The following CEP85L variants were observed in gnomAD, a reference collection of about 807,000 sequenced individuals.
CEP85L encodes the protein centrosomal protein 85L.
CEP85L carries 60 observed loss-of-function variants against 100.3 expected under a neutral mutation model. That is an observed-to-expected ratio of 0.60 (90% CI 0.49 to 0.74). CEP85L has a LOEUF of 0.74. CEP85L is among the 30% of genes least tolerant of loss of function. CEP85L has a pLI of 0.00. For synonymous variants in CEP85L, 319 were observed against 322.7 expected, an observed-to-expected ratio of 0.99 and a Z score of 0.12; for missense variants, 973 against 936.2, an observed-to-expected ratio of 1.04 and a Z score of -0.51.
chr6:118,503,109 G>T (rs1775411364), intron 5 of CEP85L, among the ~76,000 whole-genome samples: 1 of 152,080 alleles, frequency 6.6e-6, no homozygotes, highest in African/African-American at 2.4e-5. Context: ...AGGATACAAG[G>T]TTAACACACA....
chr6:118,508,469 T>C (rs1445803746), intron 5 of CEP85L, among the ~76,000 whole-genome samples: 2 of 152,094 alleles, frequency 1.3e-5, no homozygotes, highest in African/African-American at 2.4e-5. Flanking sequence ...GAAATTTAGG[T>C]ATAAATGGAA....
At position 118,464,252 on chromosome 6, in the gene CEP85L, C is replaced by G. The variant is rs893397257; in HGVS notation, c.*1153G>C. 15 of 152,180 alleles carry G rather than the reference C, an allele frequency of 9.9e-5. No homozygotes were observed. The highest frequency in any genetic ancestry group is 3.6e-4 in the African/African-American group (15 of 41,462). 9.4% of individuals were successfully genotyped at this position (152,180 alleles called of 1,614,324 possible). ...AGTTTAAATGACTGTACGTCTACTG[C>G]AAAATCAACTGCATTTCATAGTAAT... On this transcript the variant is annotated 3_prime_UTR_variant, in exon 13 of 13. Coordinates refer to ENST00000368491, the MANE Select transcript of CEP85L (RefSeq NM_001042475.3).
At chr6:118,594,575 T>C (rs1781362770) in intron 2 of CEP85L, among the ~76,000 whole-genome samples, 1 of 152,054 alleles carries the variant, frequency 6.6e-6, no homozygotes, top group Admixed American at 6.5e-5. Context: ...TTAAAAACTA[T>C]ATTTAAGAAC....
chr6:118,558,660 C>CAGAGAGAGAGAGAGAGAGAGAGAGAG (rs369698272), intron 3 of CEP85L, among the ~76,000 whole-genome samples: 1 of 122,308 alleles, frequency 8.2e-6, no homozygotes, highest in African/African-American at 3.2e-5. Context: ...CACACACACA[C>CAGAGAGAGAGAGAGAGAGAGAGAGAG]AGAGAGAGAG....
chr6:118,609,499 T>C (rs1490338119), intron 2 of CEP85L, among the ~76,000 whole-genome samples: 1 of 152,200 alleles, frequency 6.6e-6, no homozygotes, highest in African/African-American at 2.4e-5. Flanking sequence ...AAGTTCTTTT[T>C]CTCTTCATTT....
At chr6:118,509,516 G>C (rs939410554) in intron 5 of CEP85L, among the ~76,000 whole-genome samples, 6 of 152,048 alleles carry the variant, frequency 3.9e-5, no homozygotes, top group African/African-American at 1.2e-4. Flanking sequence ...AGGCAAGTTG[G>C]AGTCTCTATG....
At chr6:118,513,238 A>G (rs1187091617) in intron 4 of CEP85L, among the ~76,000 whole-genome samples, 5 of 152,162 alleles carry the variant, frequency 3.3e-5, no homozygotes, top group Non-Finnish European at 2.9e-5. Flanking sequence ...TGGAATCTCT[A>G]AAGAGGAGGT....
intron 5 of CEP85L, among the ~76,000 whole-genome samples, chr6:118,503,335 G>C (rs996048049): frequency 9.0e-4 from 137 of 152,284 alleles, no homozygotes; most frequent in African/African-American, 3.1e-3. Context: ...TGGATAGGAA[G>C]ACTCAATATT....
intron 3 of CEP85L, among the ~76,000 whole-genome samples, chr6:118,534,658 T>C (rs995698333): frequency 2.0e-5 from 3 of 152,042 alleles, no homozygotes; most frequent in African/African-American, 4.8e-5. Flanking sequence ...TAATGATGCA[T>C]AGAGTAAACT....
intron 4 of CEP85L, among the ~76,000 whole-genome samples, chr6:118,519,584 C>CG (rs56347032): frequency 0.19 from 522 of 2,718 alleles, 102 homozygotes; most frequent in Middle Eastern, 0.25. Context: ...GTGTGTGTGG[C>CG]GGGGGGGGGG....
chr6:118,643,512 C>T (rs575102947), intron 1 of CEP85L, among the ~76,000 whole-genome samples: 5 of 152,118 alleles, frequency 3.3e-5, no homozygotes, highest in African/African-American at 9.6e-5. Flanking sequence ...ATTTTCAAAA[C>T]GAGTATCAAT....
chr6:118,481,985 C>T, intron 7 of CEP85L, 52 bp from the exon 8 acceptor site: 3 of 1,036,532 alleles, frequency 2.9e-6, no homozygotes, highest in Non-Finnish European at 3.9e-6. Context: ...AAATACGCTT[C>T]TATTAGAAAC....
chr6:118,550,010 GT>G (rs1778448405), intron 3 of CEP85L, among the ~76,000 whole-genome samples: 1 of 151,798 alleles, frequency 6.6e-6, no homozygotes, highest in Non-Finnish European at 1.5e-5. Context: ...TATTATCTTT[GT>G]TTATGAAGAC....
At chr6:118,648,037 T>A (rs1775314482) in intron 1 of CEP85L, among the ~76,000 whole-genome samples, 1 of 151,158 alleles carries the variant, frequency 6.6e-6, no homozygotes. Context: ...GTGGATCACT[T>A]GAGGCCAGGA....
intron 2 of CEP85L, among the ~76,000 whole-genome samples, chr6:118,578,701 C>A (rs949161657): frequency 1.3e-5 from 2 of 152,108 alleles, no homozygotes; most frequent in South Asian, 2.1e-4. Flanking sequence ...TGCACTCCAG[C>A]CTGGTGACCG....
intron 3 of CEP85L, among the ~76,000 whole-genome samples, chr6:118,555,259 G>A (rs543161100): frequency 1.3e-4 from 19 of 151,958 alleles, no homozygotes; most frequent in East Asian, 1.2e-3. Context: ...GTGAAACCCC[G>A]TCTCTACTAA....
At chr6:118,578,180 A>T (rs1733757217) in intron 2 of CEP85L, among the ~76,000 whole-genome samples, 1 of 152,088 alleles carries the variant, frequency 6.6e-6, no homozygotes, top group South Asian at 2.1e-4. Flanking sequence ...CCTCAGCTTA[A>T]TCTGTAACTA....
chr6:118,485,475 G>A (rs889635755), intron 6 of CEP85L, among the ~76,000 whole-genome samples: 5 of 152,150 alleles, frequency 3.3e-5, no homozygotes, highest in African/African-American at 7.2e-5. Context: ...CTCTGGTAAG[G>A]AGCAACACTG....
rs201125021 is a variant in CEP85L at position 118,566,172 on chromosome 6, C to G, written c.377G>C (p.Ser126Thr). 3.0e-5 allele frequency: 48 copies of G among 1,614,044 alleles called. No homozygotes were observed. The highest frequency in any genetic ancestry group is 1.6e-4 in the Middle Eastern group (1 of 6,084). ...TCCCAATGTTTGCATGAGGCTTGTA[C>G]TCCATTTTGAGCCATCTGGTGTCAA... ...ESLTPDGSKW[S>T]TSLMQTLGNH... Residue 126 changes from serine to threonine, a missense_variant, in exon 3 of 13, where the codon AGT becomes ACT. Around this residue, in one of 3 missense-constraint regions of CEP85L, gnomAD observed 890 missense variants for 844.5 expected, o/e 1.05. Transcript: ENST00000368491.
Sources: allele counts gnomAD v4.1 joint callset (sites outside exome capture counted in the v4.1 genomes callset), GRCh38; gene constraint gnomAD v4.1.1; regional missense constraint gnomAD v4.1.1; transcripts MANE v1.5; gene names NCBI Gene and HGNC (gene_info 2026-07-23, HGNC 2026-07-21).